Variants in IKZF2 observed in about 807,000 individuals in gnomAD.
The protein encoded by IKZF2 is IKAROS family zinc finger 2, also known as zinc finger protein Helios.
A neutral mutation model predicts 49.2 loss-of-function variants in IKZF2; 15 were observed. The ratio of observed to expected loss-of-function variants is 0.30; its 90% confidence interval spans 0.20 to 0.47. The LOEUF is 0.47. Among genes scored for constraint, IKZF2 ranks in the 20% least tolerant of loss-of-function variants. The probability of loss-of-function intolerance (pLI) is 1.00; values close to 1 mark genes in which losing one functional copy is unlikely to be tolerated. For synonymous variants in IKZF2, 227 were observed against 221.4 expected, an observed-to-expected ratio of 1.03 and a Z score of -0.23; for missense variants, 567 against 664.6, an observed-to-expected ratio of 0.85 and a Z score of 1.61.
At chr2:213,078,714 T>C (rs1222605583) in intron 4 of IKZF2, among the ~76,000 whole-genome samples, 2 of 152,220 alleles carry the variant, frequency 1.3e-5, no homozygotes, top group African/African-American at 4.8e-5. Flanking sequence ...AGTGAGTGGC[T>C]ACCTAATTTT....
At chr2:213,021,137 G>A (rs1010916133) in intron 7 of IKZF2, among the ~76,000 whole-genome samples, 11 of 151,966 alleles carry the variant, frequency 7.2e-5, no homozygotes, top group Non-Finnish European at 1.0e-4. Context: ...CGCTTGAACC[G>A]GGGAGGCAGA....
At chr2:213,012,894 T>C (rs1696126009) in intron 8 of IKZF2, among the ~76,000 whole-genome samples, 1 of 152,026 alleles carries the variant, frequency 6.6e-6, no homozygotes, top group Non-Finnish European at 1.5e-5. Context: ...TAGATATATA[T>C]ACAATGAATA....
chr2:213,130,567 A>T (rs2125892735), intron 4 of IKZF2, among the ~76,000 whole-genome samples: 1 of 152,356 alleles, frequency 6.6e-6, no homozygotes, highest in African/African-American at 2.4e-5. Flanking sequence ...CTAGTAGCTG[A>T]AAGTATTTTA....
At chr2:213,030,886 T>G (rs1365806936) in intron 6 of IKZF2, among the ~76,000 whole-genome samples, 1 of 149,884 alleles carries the variant, frequency 6.7e-6, no homozygotes, top group Non-Finnish European at 1.5e-5. Flanking sequence ...AGTGCACTGG[T>G]GCCACCTCGG....
intron 4 of IKZF2, among the ~76,000 whole-genome samples, chr2:213,089,969 G>T (rs183184059): frequency 1.3e-5 from 2 of 152,238 alleles, no homozygotes; most frequent in East Asian, 3.9e-4. Flanking sequence ...CTTCTTTAAG[G>T]CCCAGACAAT....
intron 4 of IKZF2, among the ~76,000 whole-genome samples, chr2:213,123,427 T>C (rs906843608): frequency 6.6e-6 from 1 of 152,180 alleles, no homozygotes; most frequent in African/African-American, 2.4e-5. Context: ...GGCATAGTTT[T>C]TGTACAAAAT....
chr2:213,114,674 C>A (rs1253557667), intron 4 of IKZF2, among the ~76,000 whole-genome samples: 1 of 152,128 alleles, frequency 6.6e-6, no homozygotes, highest in Non-Finnish European at 1.5e-5. Flanking sequence ...TGGCTCACTC[C>A]TATAATCCCA....
chr2:213,111,809 A>G (rs2125774804), intron 4 of IKZF2, among the ~76,000 whole-genome samples: 2 of 152,260 alleles, frequency 1.3e-5, no homozygotes, highest in Middle Eastern at 6.8e-3. Flanking sequence ...CTGTCTATAG[A>G]GAAAATCATA....
chr2:213,068,946 C>CACACACACA (rs1553564907), intron 4 of IKZF2, among the ~76,000 whole-genome samples: 1 of 145,234 alleles, frequency 6.9e-6, no homozygotes, highest in African/African-American at 2.6e-5. Flanking sequence ...CACACACACA[C>CACACACACA]AACATACTCA....
At chr2:213,060,662 C>T (rs563527196) in intron 4 of IKZF2, among the ~76,000 whole-genome samples, 33 of 151,390 alleles carry the variant, frequency 2.2e-4, no homozygotes, top group Middle Eastern at 3.4e-3. Context: ...TTATCATATG[C>T]TAATAAGCAA....
At chr2:213,084,157 T>C (rs1444309523) in intron 4 of IKZF2, among the ~76,000 whole-genome samples, 1 of 152,140 alleles carries the variant, frequency 6.6e-6, no homozygotes, top group African/African-American at 2.4e-5. Flanking sequence ...GCATATGATG[T>C]GGAATTCAAC....
intron 5 of IKZF2, among the ~76,000 whole-genome samples, chr2:213,053,761 G>T (rs1040596875): frequency 6.6e-6 from 1 of 152,186 alleles, no homozygotes; most frequent in Non-Finnish European, 1.5e-5. Flanking sequence ...AGTGAAGAGT[G>T]CCTGGAGTAT....
Position 213,007,337 on chromosome 2 carries a change from G to A in IKZF2, c.*23C>T, listed in dbSNP as rs566309882. The stretch of plus-strand genomic sequence containing the variant: ...CATGTGCAGTTCTTTACTTCATAGG[G>A]GTCCCCTTTGGAATGAAAAGGCCTA... On this transcript the variant is annotated 3_prime_UTR_variant, in exon 9 of 9. Transcript: ENST00000434687. 37 of 1,605,468 alleles carry A rather than the reference G, an allele frequency of 2.3e-5. 2 individuals carry two copies. In the South Asian group the frequency reaches 4.1e-4, roughly 18 times the overall value.
At chr2:213,082,498 C>T (rs563206001) in intron 4 of IKZF2, among the ~76,000 whole-genome samples, 1 of 152,212 alleles carries the variant, frequency 6.6e-6, no homozygotes, top group South Asian at 2.1e-4. Context: ...GGTACATTTG[C>T]ACAAAAGAAT....
chr2:213,034,492 A>T (rs1698797526), intron 6 of IKZF2, among the ~76,000 whole-genome samples: 1 of 152,208 alleles, frequency 6.6e-6, no homozygotes, highest in Non-Finnish European at 1.5e-5. Context: ...TTGTACAGTT[A>T]TTAAGTGGCC....
At chr2:213,013,705 C>T (rs1696238826) in intron 8 of IKZF2, 86 bp downstream of exon 8, 1 of 1,210,248 alleles carries the variant, frequency 8.3e-7, no homozygotes, top group Non-Finnish European at 1.2e-6. Flanking sequence ...AACTGAAACA[C>T]ACCATATATA....
chr2:213,043,329 C>A (rs1321470818), intron 6 of IKZF2, among the ~76,000 whole-genome samples: 1 of 152,026 alleles, frequency 6.6e-6, no homozygotes, highest in African/African-American at 2.4e-5. Flanking sequence ...CTTGTTGTTA[C>A]CAACCTACTA....
At chr2:213,147,885 T>C (rs933094370) in intron 3 of IKZF2, 73 bp from the exon 4 acceptor site, 1 of 1,086,250 alleles carries the variant, frequency 9.2e-7, no homozygotes, top group Admixed American at 1.8e-5. Context: ...CTTTGCTTTA[T>C]ACACGCAATG....
At position 213,089,216 on chromosome 2, in the gene IKZF2, T is replaced by C. The variant is rs556973563; in HGVS notation, c.140-32117A>G. On this transcript the variant is annotated intron_variant, in intron 4 of 8. Coordinates refer to ENST00000434687, the MANE Select transcript of IKZF2 (RefSeq NM_001387220.1). Reference sequence around the variant, plus strand: ...TCCTTAGACCTCTTTTTCCCTCACATGCCGCTTCCAATCCATCAGCAAGTC... The same window carrying C: ...TCCTTAGACCTCTTTTTCCCTCACACGCCGCTTCCAATCCATCAGCAAGTC... Among the ~76,000 whole-genome samples the C allele has an allele frequency of 5.3e-5, 8 of 152,296 alleles. 1 individual carries two copies. The South Asian group carries it at 1.2e-3, about 24-fold the overall frequency.
Sources: gnomAD v4.1 joint callset for allele counts (sites outside exome capture counted in the v4.1 genomes callset) on GRCh38, gnomAD v4.1.1 for gene constraint, MANE v1.5 for transcripts, NCBI Gene and HGNC (gene_info 2026-07-23, HGNC 2026-07-21) for gene names.